The following CHD9 variants were observed in gnomAD, a reference collection of about 807,000 sequenced individuals.
The protein encoded by CHD9 is ATP-dependent chromatin remodeler CHD9.
A neutral mutation model predicts 316.1 loss-of-function variants in CHD9; 77 were observed. That is an observed-to-expected ratio of 0.24 (90% CI 0.20 to 0.29). The LOEUF (loss-of-function observed/expected upper bound fraction) is 0.29, where lower values mean the gene tolerates loss of function less well. CHD9 is among the 10% of genes least tolerant of loss of function. The pLI, the probability that CHD9 is intolerant of heterozygous loss-of-function variation, is 1.00. For missense variants in CHD9, 2,763 were observed against 3,438.1 expected, an observed-to-expected ratio of 0.80 and a Z score of 4.91; for synonymous variants, 1,129 against 1,158.3, an observed-to-expected ratio of 0.97 and a Z score of 0.51.
intron 24 of CHD9, among the ~76,000 whole-genome samples, chr16:53,275,839 C>T (rs1294136177): frequency 6.6e-6 from 1 of 152,124 alleles, no homozygotes. Flanking sequence ...CTTCTATATC[C>T]ACCTATGATC....
In CHD9 at chr16:53,156,000, C is replaced by A; in HGVS notation, c.-90C>A. On this transcript the variant is annotated 5_prime_UTR_variant, in exon 2 of 39. Transcript: ENST00000447540. ...GACCTGTTTTGGATTAGTTGATGACCTTCGGAAATGATCCAATAATATCTA... is the reference window on the plus strand; with the variant it reads ...GACCTGTTTTGGATTAGTTGATGACATTCGGAAATGATCCAATAATATCTA... 8.0e-7 allele frequency: 1 copy of A among 1,253,244 alleles called. No homozygotes were observed. The highest frequency in any genetic ancestry group is 1.1e-6 in the Non-Finnish European group (1 of 911,758). The allele number at this position is 1,253,244 out of a possible 1,614,324, so 77.6% of individuals were successfully genotyped here.
chr16:53,098,475 C>CAAAA (rs35249810), intron 1 of CHD9, among the ~76,000 whole-genome samples: 28 of 105,166 alleles, frequency 2.7e-4, no homozygotes, highest in Non-Finnish European at 3.6e-4. Context: ...GACTCCGTCT[C>CAAAA]AAAAAAAAAA....
intron 1 of CHD9, chr16:53,122,198 TTA>T (rs1409714740): frequency 1.3e-5 from 2 of 152,160 alleles, no homozygotes; most frequent in Admixed American, 6.6e-5. Flanking sequence ...TCAATATTTA[TTA>T]TATGTTTATT....
At chr16:53,055,473 C>T (rs1043938479) in intron 1 of CHD9, among the ~76,000 whole-genome samples, 4 of 147,726 alleles carry the variant, frequency 2.7e-5, no homozygotes, top group Non-Finnish European at 4.4e-5. Flanking sequence ...AAAAAAATAC[C>T]GATGCCCTAG....
chr16:53,254,567 T>C lies in CHD9; in HGVS notation c.3991T>C (p.Leu1331=). The change falls in exon 18 of 39, where the codon TTA becomes CTA. Residue 1331 remains leucine (L), a synonymous_variant. Coordinates refer to ENST00000447540, the MANE Select transcript of CHD9 (RefSeq NM_001308319.2). ...SLKLGLDKAV[L]QSMSGRESNV... is the part of the protein sequence containing the mutation. Reference sequence around the variant, plus strand: ...GAAACTGGGCCTAGATAAAGCTGTGTTACAGAGCATGAGTGGAAGAGAAAG... The same window carrying C: ...GAAACTGGGCCTAGATAAAGCTGTGCTACAGAGCATGAGTGGAAGAGAAAG... 1.2e-6 allele frequency: 2 copies of C among 1,612,382 alleles called. No homozygotes were observed. The highest frequency in any genetic ancestry group is 1.7e-6 in the Non-Finnish European group (2 of 1,178,966).
chr16:53,269,614 T>C (rs1429411232), intron 22 of CHD9, among the ~76,000 whole-genome samples: 2 of 152,164 alleles, frequency 1.3e-5, no homozygotes, highest in Non-Finnish European at 2.9e-5. Context: ...GACTTCTAGG[T>C]AGATGGAAGA....
intron 2 of CHD9, among the ~76,000 whole-genome samples, chr16:53,160,252 T>C (rs2041818345): frequency 1.3e-5 from 2 of 152,228 alleles, no homozygotes; most frequent in South Asian, 4.1e-4. Flanking sequence ...ACTTTATCAT[T>C]TTGATTCATG....
intron 1 of CHD9, among the ~76,000 whole-genome samples, chr16:53,106,407 G>C (rs1234993435): frequency 6.6e-6 from 1 of 152,150 alleles, no homozygotes; most frequent in Non-Finnish European, 1.5e-5. Flanking sequence ...AAGAAGCATA[G>C]TAAAAGGTAT....
At chr16:53,207,397 A>T (rs1043541831) in intron 2 of CHD9, among the ~76,000 whole-genome samples, 1 of 152,214 alleles carries the variant, frequency 6.6e-6, no homozygotes, top group Non-Finnish European at 1.5e-5. Flanking sequence ...ATGTTACGAA[A>T]AAAATGTATT....
At chr16:53,089,895 G>C (rs1206364488) in intron 1 of CHD9, among the ~76,000 whole-genome samples, 2 of 152,186 alleles carry the variant, frequency 1.3e-5, no homozygotes, top group Non-Finnish European at 2.9e-5. Context: ...AGGCAGCTGG[G>C]TACAAGACTT....
intron 1 of CHD9, among the ~76,000 whole-genome samples, chr16:53,091,091 G>A (rs532981779): frequency 6.6e-6 from 1 of 152,256 alleles, no homozygotes; most frequent in East Asian, 1.9e-4. Context: ...CACTCAGTGA[G>A]GTTTCGGATC....
intron 1 of CHD9, among the ~76,000 whole-genome samples, chr16:53,116,599 G>T (rs1009866144): frequency 6.6e-6 from 1 of 152,190 alleles, no homozygotes; most frequent in Non-Finnish European, 1.5e-5. Context: ...GCTGTGGAGA[G>T]ATAGGAACGT....
At chr16:53,089,995 T>A (rs2035799172) in intron 1 of CHD9, among the ~76,000 whole-genome samples, 1 of 152,192 alleles carries the variant, frequency 6.6e-6, no homozygotes, top group African/African-American at 2.4e-5. Flanking sequence ...TTCCTGGACT[T>A]CTTTCAAGGG....
At chr16:53,218,988 T>C (rs2047000401) in intron 3 of CHD9, among the ~76,000 whole-genome samples, 1 of 152,108 alleles carries the variant, frequency 6.6e-6, no homozygotes, top group South Asian at 2.1e-4. Flanking sequence ...ATGTAGCAAA[T>C]ATTCACAAGC....
intron 35 of CHD9, 152 bp from the exon 36 acceptor site, chr16:53,314,671 T>C (rs3803658): frequency 0.29 from 266,871 of 931,704 alleles, 38,902 homozygotes; most frequent in Middle Eastern, 0.33. Context: ...ATCTTAGCAC[T>C]GTCCAAGAGT....
At chr16:53,243,158 T>G (rs1217487465) in intron 13 of CHD9, 142 bp downstream of exon 13, 9 of 558,548 alleles carry the variant, frequency 1.6e-5, no homozygotes, top group African/African-American at 3.9e-5. Flanking sequence ...TGAGATTTTT[T>G]GGGGGGCCTT....
intron 1 of CHD9, among the ~76,000 whole-genome samples, chr16:53,068,997 A>C (rs748340684): frequency 9.2e-5 from 14 of 151,668 alleles, no homozygotes; most frequent in East Asian, 5.8e-4. Context: ...TTCTTCTTTT[A>C]TTTTATTTTA....
At chr16:53,103,177 G>T (rs1322835076) in intron 1 of CHD9, among the ~76,000 whole-genome samples, 1 of 142,752 alleles carries the variant, frequency 7.0e-6, no homozygotes, top group Non-Finnish European at 1.5e-5. Context: ...AAAAAAAAAG[G>T]TAGATTTTAT....
At chr16:53,268,645 G>A (rs1415263195) in intron 22 of CHD9, among the ~76,000 whole-genome samples, 1 of 152,116 alleles carries the variant, frequency 6.6e-6, no homozygotes, top group African/African-American at 2.4e-5. Context: ...TGGGTCAGCA[G>A]CATCAGCATC....
Sources: allele counts gnomAD v4.1 joint callset (sites outside exome capture counted in the v4.1 genomes callset), GRCh38; gene constraint gnomAD v4.1.1; transcripts MANE v1.5; gene names NCBI Gene and HGNC (gene_info 2026-07-23, HGNC 2026-07-21).